The following ATP9B variants were observed in gnomAD, a reference collection of about 807,000 sequenced individuals.
ATP9B encodes ATPase phospholipid transporting 9B.
A neutral mutation model predicts 146.1 loss-of-function variants in ATP9B; 110 were observed. The ratio of observed to expected loss-of-function variants is 0.75; its 90% CI spans 0.65 to 0.88. ATP9B has a LOEUF of 0.88. ATP9B is among the 40% of genes least tolerant of loss of function. ATP9B has a pLI of 0.00. For synonymous variants in ATP9B, 604 were observed against 569.7 expected (o/e 1.06, Z -0.86); for missense variants, 1,499 against 1,496.4 (o/e 1.00, Z -0.03).
chr18:79,178,298 A>G (rs1322073361), intron 8 of ATP9B, among the ~76,000 whole-genome samples: 2 of 152,104 alleles, frequency 1.3e-5, no homozygotes, highest in Non-Finnish European at 2.9e-5. Context: ...GCCGCCTTCA[A>G]TGTTGTCACC....
intron 1 of ATP9B, among the ~76,000 whole-genome samples, chr18:79,089,326 C>T (rs2074117557): frequency 6.6e-6 from 1 of 152,194 alleles, no homozygotes; most frequent in Non-Finnish European, 1.5e-5. Flanking sequence ...TTCCAATAGC[C>T]TTCCATTACA....
intron 1 of ATP9B, 103 bp downstream of exon 1, chr18:79,069,632 C>A: frequency 1.4e-6 from 1 of 700,284 alleles, no homozygotes; most frequent in Non-Finnish European, 2.0e-6. Context: ...GCTACCGGCG[C>A]GCCCCATCTG....
intron 26 of ATP9B, chr18:79,361,770 G>A (rs969849068): frequency 9.1e-6 from 9 of 985,322 alleles, no homozygotes; most frequent in Non-Finnish European, 1.1e-5. Context: ...GCAGCACTCT[G>A]CGTTGTTGTC....
chr18:79,250,202 T>C (rs1311998845), intron 11 of ATP9B, among the ~76,000 whole-genome samples: 1 of 152,248 alleles, frequency 6.6e-6, no homozygotes, highest in African/African-American at 2.4e-5. Flanking sequence ...GGAAACTTTG[T>C]ATTCATTTCT....
rs549640029 is a variant in ATP9B at position 79,163,634 on chromosome 18, TACTGCTTCTTAGTTGA to T, written c.778+9081_778+9096del. Among the ~76,000 whole-genome samples, 491 of 152,260 alleles carry T rather than the reference TACTGCTTCTTAGTTGA, an allele frequency of 3.2e-3. 6 individuals are homozygous for T. Among genetic ancestry groups the T allele is most frequent in the African/African-American group, 0.011 (462 of 41,558 alleles). On this transcript the variant is annotated intron_variant, in intron 7 of 29. Transcript: ENST00000426216. ...ATAATATGCACTGCAACCTTTCTTGTACTGCTTCTTAGTTGAAACCAGTGAGCTCGTGCAATATATT... is the reference window on the plus strand; with the variant it reads ...ATAATATGCACTGCAACCTTTCTTGTAACCAGTGAGCTCGTGCAATATATT...
intron 7 of ATP9B, among the ~76,000 whole-genome samples, chr18:79,175,210 A>G (rs1396932817): frequency 3.3e-5 from 5 of 151,514 alleles, no homozygotes; most frequent in Non-Finnish European, 7.4e-5. Flanking sequence ...AAAAAAAAAA[A>G]AAAGAAAAAA....
chr18:79,231,778 G>GTATATATA (rs781387419), intron 11 of ATP9B, among the ~76,000 whole-genome samples: 47 of 121,296 alleles, frequency 3.9e-4, no homozygotes, highest in South Asian at 3.4e-3. Context: ...GTGTGTGTGT[G>GTATATATA]TATATATATA....
At chr18:79,160,161 T>A (rs1485006083) in intron 7 of ATP9B, among the ~76,000 whole-genome samples, 1 of 152,246 alleles carries the variant, frequency 6.6e-6, no homozygotes, top group Non-Finnish European at 1.5e-5. Flanking sequence ...TCCCCATCAT[T>A]TCTATTATAA....
rs1452556155 is a variant in ATP9B at position 79,287,532 on chromosome 18, G to A, written c.1411+10336G>A. 4.0e-4 allele frequency among the ~76,000 whole-genome samples: 60 copies of A among 150,952 alleles called. 1 individual carries two copies. The East Asian group carries it at 0.01, about 26-fold the overall frequency. On this transcript the variant is annotated intron_variant, in intron 13 of 29. Transcript: ENST00000426216. Reference sequence around the variant, plus strand: ...TTTCTTCTTTATTAGTCTTGCTAGCGGTCTATCAATTTTGTTGATCCTTTC... The same window carrying A: ...TTTCTTCTTTATTAGTCTTGCTAGCAGTCTATCAATTTTGTTGATCCTTTC...
intron 11 of ATP9B, among the ~76,000 whole-genome samples, chr18:79,249,579 T>G (rs2096003038): frequency 6.6e-6 from 1 of 152,270 alleles, no homozygotes; most frequent in African/African-American, 2.4e-5. Context: ...TTATCTGGTC[T>G]GTCCAGGTAT....
intron 8 of ATP9B, among the ~76,000 whole-genome samples, chr18:79,185,767 CGTG>C (rs1457150071): frequency 1.3e-5 from 2 of 152,132 alleles, no homozygotes; most frequent in African/African-American, 4.8e-5. Context: ...TCGTGTCTCT[CGTG>C]GTGTAGATCT....
intron 2 of ATP9B, among the ~76,000 whole-genome samples, chr18:79,108,272 A>G (rs1445075465): frequency 2.0e-5 from 3 of 152,214 alleles, no homozygotes. Context: ...ATAGTCATTG[A>G]AAGCTTACTC....
At position 79,137,788 on chromosome 18, in the gene ATP9B, C is replaced by A. The variant is rs2094465792; in HGVS notation, c.668-6014C>A. On this transcript the variant is annotated intron_variant, in intron 5 of 29. Coordinates refer to ENST00000426216, the MANE Select transcript of ATP9B (RefSeq NM_198531.5). ...TCCTTTTCTAGGCGTCCTCTCCTAA[C>A]CCTGCAACAGTCACAGATGCCCACC... Among the ~76,000 whole-genome samples the A allele has an allele frequency of 3.3e-5, 5 of 152,224 alleles. No homozygotes were observed. The South Asian group carries it at 1.0e-3, about 31-fold the overall frequency.
chr18:79,134,327 G>A (rs1164155755), intron 5 of ATP9B, among the ~76,000 whole-genome samples: 1 of 152,162 alleles, frequency 6.6e-6, no homozygotes, highest in African/African-American at 2.4e-5. Flanking sequence ...TTCTTCCAGT[G>A]TTATTCCCCA....
At chr18:79,251,212 G>A (rs909982809) in intron 11 of ATP9B, among the ~76,000 whole-genome samples, 2 of 152,220 alleles carry the variant, frequency 1.3e-5, no homozygotes, top group African/African-American at 4.8e-5. Context: ...GATCACAGGA[G>A]GGGCCGCCCC....
At chr18:79,331,422 C>T (rs1008412384) in intron 17 of ATP9B, among the ~76,000 whole-genome samples, 1 of 152,014 alleles carries the variant, frequency 6.6e-6, no homozygotes, top group Admixed American at 6.6e-5. Context: ...CTTTATGAGG[C>T]CAAATCAATA....
At chr18:79,120,080 C>A (rs1302082652) in intron 4 of ATP9B, among the ~76,000 whole-genome samples, 1 of 152,110 alleles carries the variant, frequency 6.6e-6, no homozygotes, top group Non-Finnish European at 1.5e-5. Context: ...AGAAAATGTT[C>A]TTCAACAAGA....
chr18:79,147,641 G>A (rs1160495005), intron 6 of ATP9B, among the ~76,000 whole-genome samples: 2 of 152,054 alleles, frequency 1.3e-5, no homozygotes, highest in Admixed American at 6.6e-5. Flanking sequence ...TGAAAATTCT[G>A]CATTCTGGAA....
intron 28 of ATP9B, among the ~76,000 whole-genome samples, chr18:79,374,866 C>T (rs2097094262): frequency 6.6e-6 from 1 of 152,232 alleles, no homozygotes; most frequent in African/African-American, 2.4e-5. Context: ...CTCAAGGACA[C>T]GTGAACACAC....
Sources: gnomAD v4.1 joint callset for allele counts (sites outside exome capture counted in the v4.1 genomes callset) on GRCh38, gnomAD v4.1.1 for gene constraint, MANE v1.5 for transcripts, NCBI Gene and HGNC (gene_info 2026-07-23, HGNC 2026-07-21) for gene names.